Variants in EXOC6B observed in about 807,000 individuals in gnomAD.
EXOC6B encodes the protein SEC15 homolog B.
Under a neutral mutation model 113.5 loss-of-function variants are expected in EXOC6B, and 54 were observed. The ratio of observed to expected loss-of-function variants is 0.48; its 90% CI spans 0.38 to 0.60. The LOEUF is 0.60. Ranked by LOEUF, EXOC6B falls within the 20% of genes least tolerant of loss-of-function variation. EXOC6B has a pLI of 0.00. For missense variants in EXOC6B, 797 were observed against 977.5 expected (o/e 0.82, Z 2.46); for synonymous variants, 357 against 339.0 (o/e 1.05, Z -0.58).
intron 20 of EXOC6B, among the ~76,000 whole-genome samples, chr2:72,224,871 T>C (rs1011054443): frequency 1.4e-5 from 2 of 147,270 alleles, no homozygotes; most frequent in Non-Finnish European, 1.5e-5. Context: ...TATACGTAAG[T>C]GTATATATAT....
At chr2:72,289,292 C>A (rs719120) in intron 20 of EXOC6B, among the ~76,000 whole-genome samples, 2 of 152,052 alleles carry the variant, frequency 1.3e-5, no homozygotes, top group East Asian at 3.9e-4. Flanking sequence ...ATTCACTTTG[C>A]GAAAATGCAT....
At chr2:72,283,675 A>G (rs1685260158) in intron 20 of EXOC6B, among the ~76,000 whole-genome samples, 2 of 152,068 alleles carry the variant, frequency 1.3e-5, no homozygotes, top group African/African-American at 4.8e-5. Flanking sequence ...GAGAGGGGTA[A>G]AGGAACCATT....
At chr2:72,308,259 T>C (rs1158911099) in intron 20 of EXOC6B, among the ~76,000 whole-genome samples, 1 of 152,176 alleles carries the variant, frequency 6.6e-6, no homozygotes, top group Non-Finnish European at 1.5e-5. Flanking sequence ...CCCCAAATAC[T>C]ACCTCCTTTC....
intron 5 of EXOC6B, among the ~76,000 whole-genome samples, chr2:72,725,963 A>C (rs1475479099): frequency 6.6e-6 from 1 of 152,240 alleles, no homozygotes; most frequent in African/African-American, 2.4e-5. Context: ...AATAGTTAAA[A>C]AGTGATAATA....
intron 18 of EXOC6B, among the ~76,000 whole-genome samples, chr2:72,407,577 C>T (rs975129201): frequency 8.5e-5 from 13 of 152,068 alleles, no homozygotes; most frequent in South Asian, 2.1e-4. Flanking sequence ...AATCAATAAA[C>T]GCAATCCAGC....
At chr2:72,709,042 T>C (rs1170472950) in intron 6 of EXOC6B, among the ~76,000 whole-genome samples, 4 of 150,492 alleles carry the variant, frequency 2.7e-5, no homozygotes, top group Non-Finnish European at 5.9e-5. Flanking sequence ...CAAGTACAGC[T>C]TATAATTAAA....
intron 20 of EXOC6B, among the ~76,000 whole-genome samples, chr2:72,325,094 G>A (rs1688050557): frequency 6.6e-6 from 1 of 152,028 alleles, no homozygotes; most frequent in Non-Finnish European, 1.5e-5. Flanking sequence ...AGGAAAACAG[G>A]CTGTCCTTTC....
intron 6 of EXOC6B, among the ~76,000 whole-genome samples, chr2:72,577,305 T>A (rs931180536): frequency 1.3e-5 from 2 of 152,078 alleles, no homozygotes; most frequent in Non-Finnish European, 2.9e-5. Context: ...TCTATTGTTC[T>A]CAAAAGTAAG....
chr2:72,524,949 C>T (rs867237413), intron 8 of EXOC6B, among the ~76,000 whole-genome samples: 8 of 152,168 alleles, frequency 5.3e-5, no homozygotes, highest in African/African-American at 1.9e-4. Context: ...AAACTAGTGA[C>T]CCTTATTTGA....
intron 6 of EXOC6B, among the ~76,000 whole-genome samples, chr2:72,584,228 A>G (rs1705407935): frequency 6.6e-6 from 1 of 152,068 alleles, no homozygotes; most frequent in Admixed American, 6.6e-5. Context: ...TTAAAAAAAA[A>G]AAAGAAAACA....
chr2:72,718,060 C>A (rs1413703425), intron 6 of EXOC6B, 43 bp downstream of exon 6: 3 of 1,478,190 alleles, frequency 2.0e-6, no homozygotes, highest in Middle Eastern at 1.8e-4. Context: ...TAACTCAATA[C>A]TGATAAAGCC....
chr2:72,598,244 A>G (rs1296332298), intron 6 of EXOC6B, among the ~76,000 whole-genome samples: 2 of 152,044 alleles, frequency 1.3e-5, no homozygotes, highest in African/African-American at 4.8e-5. Flanking sequence ...AGACCACAAC[A>G]GAATGGAACA....
Position 72,446,630 on chromosome 2 carries a change from A to C in EXOC6B, c.1980+18530T>G, listed in dbSNP as rs529616650. Among the ~76,000 whole-genome samples the C allele has an allele frequency of 3.9e-5, 6 of 152,170 alleles. 1 individual carries two copies. The South Asian group carries it at 1.2e-3, about 32-fold the overall frequency. On this transcript the variant is annotated intron_variant, in intron 18 of 21. Transcript: ENST00000272427. ...CACTGGGGTGTACTAGAGTGGGGAG[A>C]GTGGGAAGAAGGAGCAGAGCAGAAA...
At chr2:72,227,198 C>A (rs757427563) in intron 20 of EXOC6B, among the ~76,000 whole-genome samples, 1 of 152,040 alleles carries the variant, frequency 6.6e-6, no homozygotes, top group Non-Finnish European at 1.5e-5. Context: ...TATTAATAAG[C>A]AAATCCAACT....
chr2:72,634,173 C>G (rs1247055322), intron 6 of EXOC6B, among the ~76,000 whole-genome samples: 1 of 152,178 alleles, frequency 6.6e-6, no homozygotes, highest in Non-Finnish European at 1.5e-5. Context: ...TAGTAAGATA[C>G]AGGCAGCTTT....
chr2:72,643,754 G>A (rs143178245), intron 6 of EXOC6B, among the ~76,000 whole-genome samples: 2,332 of 145,988 alleles, frequency 0.016, 84 homozygotes, highest in African/African-American at 0.057. Context: ...CCTAAAACTT[G>A]AAGTATAATT....
At chr2:72,290,486 C>T (rs1304332318) in intron 20 of EXOC6B, among the ~76,000 whole-genome samples, 3 of 152,108 alleles carry the variant, frequency 2.0e-5, no homozygotes, top group East Asian at 3.9e-4. Context: ...TTTGTAATTA[C>T]ACTTACTGAT....
rs182938840 is a variant in EXOC6B, at chr2:72,479,976, G to A, written c.1800+640C>T. On this transcript the variant is annotated intron_variant, in intron 17 of 21. Transcript: ENST00000272427. Reference sequence around the variant, plus strand: ...CCAGCATTTTGAGAAGCCAAGGTGGGTGGATCGCTTGAACCCAGGAATTCG... The same window carrying A: ...CCAGCATTTTGAGAAGCCAAGGTGGATGGATCGCTTGAACCCAGGAATTCG... Among the ~76,000 whole-genome samples the A allele has an allele frequency of 6.4e-4, 97 of 152,310 alleles. 1 individual carries two copies. In the East Asian group the frequency reaches 0.016, roughly 25 times the overall value.
intron 21 of EXOC6B, among the ~76,000 whole-genome samples, chr2:72,183,242 T>A (rs958674154): frequency 6.6e-6 from 1 of 152,326 alleles, no homozygotes; most frequent in Admixed American, 6.5e-5. Context: ...AGGGCATTCT[T>A]CCAAGTAGCT....
Sources: allele counts gnomAD v4.1 joint callset (sites outside exome capture counted in the v4.1 genomes callset), GRCh38; gene constraint gnomAD v4.1.1; transcripts MANE v1.5; gene names NCBI Gene and HGNC (gene_info 2026-07-23, HGNC 2026-07-21).